ANK3: variants seen among roughly 807,000 people sequenced by gnomAD.
ANK3 encodes the protein ankyrin-3.
A neutral mutation model predicts 370.9 loss-of-function variants in ANK3; 57 were observed. The observed-to-expected ratio is 0.15, with a 90% confidence interval of 0.12 to 0.19. The LOEUF is 0.19. ANK3 is among the 10% of genes least tolerant of loss of function. ANK3 has a pLI of 1.00. For missense variants in ANK3, 4,439 were observed against 5,302.1 expected, an observed-to-expected ratio of 0.84 and a Z score of 5.06; for synonymous variants, 1,929 against 1,946.3, an observed-to-expected ratio of 0.99 and a Z score of 0.23.
At chr10:60,614,581 G>A (rs1238406544) in intron 2 of ANK3, among the ~76,000 whole-genome samples, 1 of 152,078 alleles carries the variant, frequency 6.6e-6, no homozygotes, top group Admixed American at 6.5e-5. Context: ...AAGAGGGAGA[G>A]AGTTGAAGCA....
At chr10:60,169,121 A>G (rs1468692691) in intron 21 of ANK3, among the ~76,000 whole-genome samples, 1 of 152,168 alleles carries the variant, frequency 6.6e-6, no homozygotes, top group East Asian at 1.9e-4. Flanking sequence ...GAATTGCCAC[A>G]CTGTCTTATA....
chr10:60,231,099 A>C (rs1275703467), intron 8 of ANK3, among the ~76,000 whole-genome samples: 3 of 152,122 alleles, frequency 2.0e-5, no homozygotes. Context: ...TATGACTCAG[A>C]AGGGTGAACT....
rs2084961918 is a variant in ANK3 at position 60,080,574 on chromosome 10, T to C, written c.4395A>G (p.Leu1465=). 1 of 1,611,318 alleles carries C rather than the reference T, an allele frequency of 6.2e-7. No individual in the cohort carries two copies. The highest frequency in any genetic ancestry group is 1.3e-5 in the African/African-American group (1 of 74,714). ...DRRQSFASLA[L]RKRYSYLTEP... is the part of the protein sequence containing the mutation. ...CAGTCAAGTAGCTGTAGCGCTTACG[T>C]AAAGCTAAGGATGCGAAGCTCTGTC... The change falls in exon 36 of 44, where the codon TTA becomes TTG. Residue 1465 remains leucine (L), a synonymous_variant. Coordinates refer to ENST00000280772, the MANE Select transcript of ANK3 (RefSeq NM_020987.5).
At position 60,073,163 on chromosome 10, in the gene ANK3, T is replaced by C. The variant is rs2083082252; in HGVS notation, c.7718A>G (p.Tyr2573Cys). The change falls in exon 37 of 44, where the codon TAT becomes TGT. Residue 2573 changes from tyrosine to cysteine, a missense_variant. Coordinates refer to ENST00000280772, the MANE Select transcript of ANK3 (RefSeq NM_020987.5). ...RLDRGREKLI[Y>C]EDRVDRTVKE... ...CACAGTCCTGTCCACCCTATCTTCA[T>C]ATATCAACTTCTCTCTACCTCTGTC... 6 of 1,614,022 alleles carry C rather than the reference T, an allele frequency of 3.7e-6. No individual in the cohort carries two copies. Among genetic ancestry groups the C allele is most frequent in the Non-Finnish European group, 5.1e-6 (6 of 1,180,012 alleles).
chr10:60,071,938 T>C lies in ANK3; in HGVS notation c.8943A>G (p.Glu2981=), dbSNP rs1310393013. 1.9e-6 allele frequency: 3 copies of C among 1,614,108 alleles called. No homozygotes were observed. Among genetic ancestry groups the C allele is most frequent in the Non-Finnish European group, 2.5e-6 (3 of 1,180,002 alleles). ...GTTCATGTTTTGGAAATGCCGACTG[T>C]TCACAAAAACCATCGGGAATATTAG... ...LSSNIPDGFC[E]QSAFPKHELS... Residue 2981 remains glutamate, a synonymous_variant, in exon 37 of 44, where the codon GAA becomes GAG. Coordinates refer to ENST00000280772, the MANE Select transcript of ANK3 (RefSeq NM_020987.5).
chr10:60,051,489 G>A (rs751870583), intron 42 of ANK3: 70 of 985,126 alleles, frequency 7.1e-5, no homozygotes, highest in Non-Finnish European at 8.3e-5. Flanking sequence ...ATAATCAAAC[G>A]CCGGCGAATA....
At chr10:60,182,390 A>C (rs755093901) in intron 17 of ANK3, among the ~76,000 whole-genome samples, 1 of 152,172 alleles carries the variant, frequency 6.6e-6, no homozygotes, top group Non-Finnish European at 1.5e-5. Context: ...TGCAGAACAC[A>C]TGGTTGCTCT....
At chr10:60,212,798 T>C (rs1400093914) in intron 9 of ANK3, among the ~76,000 whole-genome samples, 1 of 152,178 alleles carries the variant, frequency 6.6e-6, no homozygotes, top group Non-Finnish European at 1.5e-5. Flanking sequence ...GTAGTGACAA[T>C]GAGGTGGTTT....
chr10:60,053,771 T>C (rs1421895509), intron 42 of ANK3: 2 of 1,293,268 alleles, frequency 1.5e-6, no homozygotes, highest in Non-Finnish European at 2.0e-6. Context: ...TCTGAGATCA[T>C]ACATCAGATG....
intron 43 of ANK3, 22 bp from the exon 44 acceptor site, chr10:60,029,848 A>T (rs1290144155): frequency 7.5e-6 from 1 of 133,058 alleles, no homozygotes; most frequent in Non-Finnish European, 1.6e-5. Context: ...GACAGTAGAT[A>T]GTGAGTTTAG....
At chr10:60,110,054 T>C (rs752112545) in intron 26 of ANK3, among the ~76,000 whole-genome samples, 2 of 152,150 alleles carry the variant, frequency 1.3e-5, no homozygotes, top group African/African-American at 4.8e-5. Context: ...AGATTACTAC[T>C]AGCACAGTAC....
At chr10:60,720,093 T>C (rs1277540919) in intron 1 of ANK3, among the ~76,000 whole-genome samples, 1 of 152,224 alleles carries the variant, frequency 6.6e-6, no homozygotes, top group African/African-American at 2.4e-5. Context: ...AAGAATCTGA[T>C]GTCCTTTTGC....
intron 28 of ANK3, among the ~76,000 whole-genome samples, chr10:60,090,249 C>T (rs754008696): frequency 1.3e-5 from 2 of 151,604 alleles, no homozygotes; most frequent in South Asian, 2.1e-4. Context: ...ACCTGGGAGG[C>T]GAAGGTTGCA....
At chr10:60,670,070 T>C (rs2079046820) in intron 1 of ANK3, among the ~76,000 whole-genome samples, 1 of 152,032 alleles carries the variant, frequency 6.6e-6, no homozygotes, top group Non-Finnish European at 1.5e-5. Flanking sequence ...AGGGATCCTT[T>C]CGTCTCAGCC....
intron 2 of ANK3, among the ~76,000 whole-genome samples, chr10:60,468,791 T>A (rs2065069550): frequency 6.6e-6 from 1 of 151,638 alleles, no homozygotes; most frequent in South Asian, 2.1e-4. Context: ...ATACACTGGT[T>A]ATTGTGATTT....
chr10:60,682,440 G>A (rs897406567), intron 1 of ANK3, among the ~76,000 whole-genome samples: 2 of 151,262 alleles, frequency 1.3e-5, no homozygotes, highest in African/African-American at 2.4e-5. Context: ...ATATATATTG[G>A]ATTTTGGCCC....
In ANK3 at chr10:60,139,013, G is replaced by A. The variant is rs775222449; in HGVS notation, c.2689C>T (p.Leu897=). The A allele has an allele frequency of 1.5e-5, 24 of 1,613,654 alleles. No individual in the cohort carries two copies. The highest frequency in any genetic ancestry group is 2.0e-5 in the Non-Finnish European group (24 of 1,179,844). The part of the protein sequence containing the change: ...QDLKELGDDS[L]PAEGYMGFSL... ...AAGCCCATGTAACCCTCTGCAGGCA[G>A]GGAATCATCACCCAATTCCTTAAGG... The change falls in exon 24 of 44, where the codon CTG becomes TTG. Residue 897 remains leucine (L), a synonymous_variant. Coordinates refer to ENST00000280772, the MANE Select transcript of ANK3 (RefSeq NM_020987.5).
intron 2 of ANK3, among the ~76,000 whole-genome samples, chr10:60,589,197 G>T (rs997815509): frequency 2.0e-5 from 3 of 152,092 alleles, no homozygotes; most frequent in African/African-American, 7.2e-5. Context: ...CTACTTTCGG[G>T]TAAATGGGGA....
chr10:60,077,313 C>T (rs1265230044), intron 36 of ANK3, among the ~76,000 whole-genome samples: 1 of 151,976 alleles, frequency 6.6e-6, no homozygotes, highest in East Asian at 1.9e-4. Flanking sequence ...TGTACATATA[C>T]ACACACAAAG....
Sources: allele counts gnomAD v4.1 joint callset (sites outside exome capture counted in the v4.1 genomes callset), GRCh38; gene constraint gnomAD v4.1.1; transcripts MANE v1.5; gene names NCBI Gene and HGNC (gene_info 2026-07-23, HGNC 2026-07-21).